Variants in IDE observed in about 807,000 individuals in gnomAD.
IDE encodes insulin degrading enzyme, also known as insulin-degrading enzyme.
In IDE, 58 loss-of-function variants were observed where a neutral mutation model predicts 133.2. The ratio of observed to expected loss-of-function variants is 0.44; its 90% CI spans 0.35 to 0.54. IDE has a LOEUF of 0.54. Ranked by LOEUF, IDE falls within the 20% of genes least tolerant of loss-of-function variation. The probability of loss-of-function intolerance (pLI) is 0.00; values close to 1 mark genes in which losing one functional copy is unlikely to be tolerated. For synonymous variants in IDE, 396 were observed against 421.3 expected (o/e 0.94, Z 0.73); for missense variants, 981 against 1,234.0 (o/e 0.79, Z 3.07).
chr10:92,571,475 C>A (rs1302207641), intron 1 of IDE, among the ~76,000 whole-genome samples: 1 of 152,198 alleles, frequency 6.6e-6, no homozygotes, highest in Non-Finnish European at 1.5e-5. Context: ...GTTTCCTAAG[C>A]CTATGGAACA....
At chr10:92,537,658 G>A in intron 1 of IDE, 108 bp from the exon 2 acceptor site, 2 of 768,404 alleles carry the variant, frequency 2.6e-6, no homozygotes, top group Non-Finnish European at 2.1e-6. Context: ...TCTAAATGCT[G>A]AAGGAAACCT....
Position 92,470,234 on chromosome 10 carries a change from C to G in IDE, c.2208+20G>C. Reference sequence around the variant, plus strand: ...TCTTGCAATGATCCACAAAAGATTGCTAAAACCTCAACCACCCACCTGCTT... The same window carrying G: ...TCTTGCAATGATCCACAAAAGATTGGTAAAACCTCAACCACCCACCTGCTT... On this transcript the variant is annotated intron_variant, in intron 18 of 24. Transcript: ENST00000265986. The G allele has an allele frequency of 6.5e-7, 1 of 1,541,974 alleles. No homozygotes were observed. Among genetic ancestry groups the G allele is most frequent in the Non-Finnish European group, 8.9e-7 (1 of 1,128,380 alleles).
In IDE at chr10:92,553,127, G is replaced by A. The variant is rs147672968; in HGVS notation, c.99-15577C>T. Among the ~76,000 whole-genome samples the A allele has an allele frequency of 4.6e-5, 7 of 151,694 alleles. No homozygotes were observed. The East Asian group carries it at 1.4e-3, about 30-fold the overall frequency. ...TGTTCATAGCAATATAAATAAATAA[G>A]AAAAAGAAAAAGCAGGCTGGGCATG... is the stretch of plus-strand genomic sequence containing the variant. On this transcript the variant is annotated intron_variant, in intron 1 of 24. Transcript: ENST00000265986.
intron 4 of IDE, among the ~76,000 whole-genome samples, chr10:92,525,752 GAA>G (rs59547662): frequency 0.53 from 61,302 of 116,506 alleles, 15,351 homozygotes; most frequent in African/African-American, 0.67. Context: ...TGAACAATCT[GAA>G]AAAAAAAAAA....
intron 4 of IDE, among the ~76,000 whole-genome samples, chr10:92,523,893 T>C (rs1231208233): frequency 6.6e-5 from 10 of 152,006 alleles, no homozygotes; most frequent in Non-Finnish European, 1.2e-4. Context: ...ACAGTGTCGG[T>C]AGAGTTATGT....
At chr10:92,496,703 T>C (rs1847723107) in intron 11 of IDE, among the ~76,000 whole-genome samples, 1 of 152,178 alleles carries the variant, frequency 6.6e-6, no homozygotes, top group Admixed American at 6.5e-5. Flanking sequence ...GGAGAATCCT[T>C]TGAACCCAGG....
chr10:92,546,775 C>A (rs1842549713), intron 1 of IDE, among the ~76,000 whole-genome samples: 1 of 152,076 alleles, frequency 6.6e-6, no homozygotes, highest in South Asian at 2.1e-4. Flanking sequence ...ACTTTAGACT[C>A]TAGTTAAGAT....
At chr10:92,454,574 A>G in intron 24 of IDE, 35 bp from the exon 25 acceptor site, 1 of 1,466,634 alleles carries the variant, frequency 6.8e-7, no homozygotes, top group Non-Finnish European at 9.6e-7. Flanking sequence ...AGTGTATTTA[A>G]CCTAAACATC....
intron 19 of IDE, among the ~76,000 whole-genome samples, chr10:92,467,015 C>T (rs182224141): frequency 9.2e-4 from 140 of 151,944 alleles, no homozygotes; most frequent in African/African-American, 3.1e-3. Flanking sequence ...AGTAAGACTC[C>T]GTCTCAAAAA....
Position 92,479,410 on chromosome 10 carries a change from T to C in IDE, c.1751A>G (p.Tyr584Cys). The C allele has an allele frequency of 6.2e-7, 1 of 1,605,148 alleles. No individual in the cohort carries two copies. The highest frequency in any genetic ancestry group is 8.5e-7 in the Non-Finnish European group (1 of 1,172,834). The change falls in exon 15 of 25, where the codon TAT becomes TGT. Residue 584 changes from tyrosine to cysteine, a missense_variant. Tyr to Cys is a radical substitution (Grantham distance 194). This residue lies in a region of IDE where 660 missense variants were observed against 894.7 expected (regional missense o/e 0.74). Coordinates refer to ENST00000265986, the MANE Select transcript of IDE (RefSeq NM_004969.4). ...LNFEFFSPFAYVDPLHCNMAY... is the reference protein window; with the variant it reads ...LNFEFFSPFACVDPLHCNMAY... The stretch of plus-strand genomic sequence containing the variant: ...CATGTTACAGTGCAAGGGGTCCACA[T>C]AAGCAAATGGGCTGGAAGAAAATGT...
Position 92,465,977 on chromosome 10 carries a change from T to C in IDE, c.2321-134A>G, listed in dbSNP as rs191708906. On this transcript the variant is annotated intron_variant, in intron 19 of 24. Transcript: ENST00000265986. ...AAAAGGGAGGTAGAGAAGCCTGGAGTTGTATTTCATTGATTTCACTTTTCT... is the reference window on the plus strand; with the variant it reads ...AAAAGGGAGGTAGAGAAGCCTGGAGCTGTATTTCATTGATTTCACTTTTCT... 950 of 716,764 alleles carry C rather than the reference T, an allele frequency of 1.3e-3. 14 individuals carry two copies. In the East Asian group the frequency reaches 0.024, roughly 18 times the overall value. 44.4% of individuals were successfully genotyped at this position (716,764 alleles called of 1,614,324 possible).
At position 92,531,840 on chromosome 10, in the gene IDE, T is replaced by C; in HGVS notation, c.569A>G (p.His190Arg). 2 of 1,604,114 alleles carry C rather than the reference T, an allele frequency of 1.2e-6. No individual in the cohort carries two copies. Among genetic ancestry groups the C allele is most frequent in the Non-Finnish European group, 1.7e-6 (2 of 1,173,896 alleles). Residue 190 changes from histidine to arginine, a missense_variant, in exon 4 of 25, where the codon CAT becomes CGT. His to Arg is a conservative substitution (Grantham distance 29). Transcript: ENST00000265986. ...GGCATCATTCATCACATTCTTCTCA[T>C]GTTCTGAATCAACTGCATTCACCTC... ...DREVNAVDSE[H>R]EKNVMNDAWR...
chr10:92,478,627 G>A, intron 15 of IDE: 1 of 1,164,676 alleles, frequency 8.6e-7, no homozygotes, highest in Non-Finnish European at 1.1e-6. Flanking sequence ...CCTTTTCTTT[G>A]GTTTTCATTT....
In IDE at chr10:92,554,257, T is replaced by C. The variant is rs547981761; in HGVS notation, c.99-16707A>G. 3.3e-5 allele frequency among the ~76,000 whole-genome samples: 5 copies of C among 152,250 alleles called. 1 individual carries two copies. In the South Asian group the frequency reaches 6.2e-4, roughly 19 times the overall value. ...GAACAACCCCACACAATCATCTCAA[T>C]AGATGCAGAAAAAAGGCTAAGTATA... On this transcript the variant is annotated intron_variant, in intron 1 of 24. Transcript: ENST00000265986.
intron 5 of IDE, among the ~76,000 whole-genome samples, chr10:92,514,260 T>C (rs901141897): frequency 6.6e-5 from 10 of 152,192 alleles, no homozygotes; most frequent in African/African-American, 2.4e-4. Context: ...TGGGTATTAC[T>C]TCAAAACAAA....
rs116623757 is a variant in IDE, at chr10:92,508,562, A to G, written c.1060+166T>C. Among the ~76,000 whole-genome samples the G allele has an allele frequency of 1.3e-3, 189 of 150,924 alleles. 1 individual carries two copies. The highest frequency in any genetic ancestry group is 3.8e-3 in the African/African-American group (158 of 41,256). Reference sequence around the variant, plus strand: ...AACCCCATCTCTATCTAAAAAAGAAAAAAAAAAAAAAAAGGCAACAGCGTG... The same window carrying G: ...AACCCCATCTCTATCTAAAAAAGAAGAAAAAAAAAAAAAGGCAACAGCGTG... On this transcript the variant is annotated intron_variant, in intron 7 of 24. Transcript: ENST00000265986.
intron 4 of IDE, among the ~76,000 whole-genome samples, chr10:92,525,752 G>GAAAAAAA: frequency 8.6e-6 from 1 of 116,408 alleles, no homozygotes; most frequent in Non-Finnish European, 1.8e-5. Context: ...TGAACAATCT[G>GAAAAAAA]AAAAAAAAAA....
intron 14 of IDE, among the ~76,000 whole-genome samples, chr10:92,481,519 G>A (rs1378795574): frequency 6.6e-6 from 1 of 152,152 alleles, no homozygotes; most frequent in Non-Finnish European, 1.5e-5. Flanking sequence ...AAAGAGAATA[G>A]GATTCAACTG....
intron 9 of IDE, among the ~76,000 whole-genome samples, 196 bp downstream of exon 9, chr10:92,507,379 T>G (rs1848348306): frequency 6.6e-6 from 1 of 152,198 alleles, no homozygotes; most frequent in Non-Finnish European, 1.5e-5. Context: ...GCCTTTCCCC[T>G]TAGTTGTGCC....
Sources: gnomAD v4.1 joint callset for allele counts (sites outside exome capture counted in the v4.1 genomes callset) on GRCh38, gnomAD v4.1.1 for gene constraint, gnomAD v4.1.1 regional missense constraint, MANE v1.5 for transcripts, NCBI Gene and HGNC (gene_info 2026-07-23, HGNC 2026-07-21) for gene names.